The following ALK variants were observed in gnomAD, a reference collection of about 807,000 sequenced individuals.
The protein encoded by ALK is ALK receptor tyrosine kinase.
In ALK, 74 loss-of-function variants were observed where a neutral mutation model predicts 163.1. The observed-to-expected ratio is 0.45, with a 90% confidence interval of 0.38 to 0.55. ALK has a LOEUF of 0.55. Ranked by LOEUF, ALK falls within the 20% of genes least tolerant of loss-of-function variation. The pLI is 0.00. For missense variants in ALK, 2,063 were observed against 2,105.3 expected, an observed-to-expected ratio of 0.98 and a Z score of 0.39; for synonymous variants, 960 against 843.2, an observed-to-expected ratio of 1.14 and a Z score of -2.40.
Position 29,209,818 on chromosome 2 carries a change from A to G in ALK, c.3804T>C (p.Ile1268=). Residue 1268 remains isoleucine (I), a synonymous_variant, in exon 25 of 29, where the codon ATT becomes ATC. Transcript: ENST00000389048. ...TGTCTCGGGCCATCCCGAAGTCTCC[A>G]ATCTTGGCCACTCTTCCAGGGCCTG... ...TCPGPGRVAK[I]GDFGMARDIY... is the part of the protein sequence containing the mutation. The G allele has an allele frequency of 6.2e-7, 1 of 1,614,172 alleles. No homozygotes were observed. The highest frequency in any genetic ancestry group is 8.5e-7 in the Non-Finnish European group (1 of 1,180,018).
intron 25 of ALK, among the ~76,000 whole-genome samples, chr2:29,209,490 C>T (rs1294881377): frequency 6.8e-6 from 1 of 147,890 alleles, no homozygotes; most frequent in Non-Finnish European, 1.5e-5. Context: ...TGTGGTGAGC[C>T]GAGTTCGTGC....
rs112089564 is a variant in ALK at position 29,437,427 on chromosome 2, A to C, written c.1155-53568T>G. Among the ~76,000 whole-genome samples the C allele has an allele frequency of 6.5e-3, 991 of 152,318 alleles. 2 individuals carry two copies. Among genetic ancestry groups the C allele is most frequent in the Middle Eastern group, 0.027 (8 of 294 alleles). Reference sequence around the variant, plus strand: ...CATTAGACACAGAATGCAGAATACCAAGTTCAGACAAGGCTTGTCTGAGAT... The same window carrying C: ...CATTAGACACAGAATGCAGAATACCCAGTTCAGACAAGGCTTGTCTGAGAT... On this transcript the variant is annotated intron_variant, in intron 4 of 28. Coordinates refer to ENST00000389048, the MANE Select transcript of ALK (RefSeq NM_004304.5).
In ALK at chr2:29,475,031, AC is replaced by A. The variant is rs1233563868; in HGVS notation, c.1154+56883del. Among the ~76,000 whole-genome samples the A allele has an allele frequency of 4.9e-5, 6 of 123,526 alleles. No individual in the cohort carries two copies. The East Asian group carries it at 1.3e-3, about 27-fold the overall frequency. 81.0% of individuals were successfully genotyped at this position (123,526 alleles called of 152,430 possible). On this transcript the variant is annotated intron_variant, in intron 4 of 28. Transcript: ENST00000389048. ...AGAAGAAACCGCCAGGCTCCTGTGT[AC>A]CCCCTGCTCCTGCATTCCTTCTTCT...
At chr2:29,457,455 TGCAG>T (rs1159173555) in intron 4 of ALK, among the ~76,000 whole-genome samples, 1 of 152,180 alleles carries the variant, frequency 6.6e-6, no homozygotes, top group African/African-American at 2.4e-5. Context: ...CCAGATCATT[TGCAG>T]TGCATCTATG....
At chr2:29,636,346 GAA>G (rs1480960996) in intron 3 of ALK, among the ~76,000 whole-genome samples, 32 of 16,538 alleles carry the variant, frequency 1.9e-3, no homozygotes, top group Middle Eastern at 0.05. Flanking sequence ...AGAAAGAAAA[GAA>G]AAGAAAAGAA....
intron 4 of ALK, among the ~76,000 whole-genome samples, chr2:29,415,826 C>T (rs559610791): frequency 3.2e-4 from 49 of 152,358 alleles, no homozygotes; most frequent in Middle Eastern, 6.8e-3. Flanking sequence ...CATTCTCCTT[C>T]TCTCTTCTTG....
chr2:29,812,118 C>T (rs990362565), intron 1 of ALK, among the ~76,000 whole-genome samples: 1 of 152,172 alleles, frequency 6.6e-6, no homozygotes, highest in African/African-American at 2.4e-5. Flanking sequence ...ACACAAAAGG[C>T]ACACAGTTCT....
intron 4 of ALK, among the ~76,000 whole-genome samples, chr2:29,397,365 G>A (rs940889705): frequency 2.6e-5 from 4 of 152,148 alleles, no homozygotes; most frequent in African/African-American, 9.7e-5. Flanking sequence ...TAGAAGCACA[G>A]TGGCATGGAA....
intron 1 of ALK, among the ~76,000 whole-genome samples, chr2:29,759,175 G>A (rs775844951): frequency 5.3e-5 from 8 of 152,156 alleles, no homozygotes; most frequent in Non-Finnish European, 1.2e-4. Flanking sequence ...GGTCACACAA[G>A]ACCTTTTTCT....
At chr2:29,541,121 G>A (rs1044715502) in intron 3 of ALK, among the ~76,000 whole-genome samples, 2 of 152,180 alleles carry the variant, frequency 1.3e-5, no homozygotes, top group Non-Finnish European at 2.9e-5. Flanking sequence ...CTCCTGGAAT[G>A]GGACACAACT....
At chr2:29,631,458 A>G (rs1456102921) in intron 3 of ALK, among the ~76,000 whole-genome samples, 2 of 152,222 alleles carry the variant, frequency 1.3e-5, no homozygotes, top group Non-Finnish European at 2.9e-5. Context: ...CTTTAATTCT[A>G]GATCCCATCC....
intron 9 of ALK, among the ~76,000 whole-genome samples, chr2:29,290,743 T>C (rs1666000136): frequency 6.6e-6 from 1 of 152,154 alleles, no homozygotes; most frequent in Non-Finnish European, 1.5e-5. Context: ...GATATGCAAA[T>C]TAAAAATGCC....
chr2:29,315,540 C>A (rs939076799), intron 8 of ALK, among the ~76,000 whole-genome samples: 1 of 152,160 alleles, frequency 6.6e-6, no homozygotes, highest in South Asian at 2.1e-4. Context: ...GGCAAGCACA[C>A]CTACGGCCAA....
intron 1 of ALK, among the ~76,000 whole-genome samples, chr2:29,897,008 T>C (rs1667289065): frequency 6.6e-6 from 1 of 152,136 alleles, no homozygotes. Context: ...TAAATAGAGA[T>C]CTACAATCCA....
At chr2:29,723,040 A>C (rs2541196) in intron 1 of ALK, among the ~76,000 whole-genome samples, 100,539 of 151,528 alleles carry the variant, frequency 0.66, 36,885 homozygotes, top group Non-Finnish European at 0.82. Context: ...TATGAGCTCA[A>C]AGAGGGCCCC....
intron 4 of ALK, among the ~76,000 whole-genome samples, chr2:29,454,796 T>C (rs917601293): frequency 6.6e-6 from 1 of 152,152 alleles, no homozygotes; most frequent in Non-Finnish European, 1.5e-5. Context: ...AGTACATAAG[T>C]GCCTATATAC....
intron 5 of ALK, among the ~76,000 whole-genome samples, chr2:29,333,418 T>A (rs1422524032): frequency 6.6e-6 from 1 of 152,200 alleles, no homozygotes; most frequent in African/African-American, 2.4e-5. Flanking sequence ...GAGGTTGAAT[T>A]TTTTCTCACA....
intron 3 of ALK, among the ~76,000 whole-genome samples, chr2:29,558,451 G>C (rs550157000): frequency 6.6e-6 from 1 of 152,138 alleles, no homozygotes; most frequent in Admixed American, 6.5e-5. Context: ...TGACCCTTTG[G>C]TTTACTCTGT....
chr2:29,696,445 G>T (rs1678564344), intron 2 of ALK, among the ~76,000 whole-genome samples: 1 of 149,066 alleles, frequency 6.7e-6, no homozygotes, highest in African/African-American at 2.5e-5. Context: ...ATGAAGGCTT[G>T]ATGGGTGCAG....
Sources: allele counts gnomAD v4.1 joint callset (sites outside exome capture counted in the v4.1 genomes callset), GRCh38; gene constraint gnomAD v4.1.1; transcripts MANE v1.5; gene names NCBI Gene and HGNC (gene_info 2026-07-23, HGNC 2026-07-21).